NLGN1: variants seen among roughly 807,000 people sequenced by gnomAD.
NLGN1 encodes the protein neuroligin-1.
Under a neutral mutation model 65.5 loss-of-function variants are expected in NLGN1, and 12 were observed. The observed-to-expected ratio is 0.18, with a 90% CI of 0.12 to 0.30. The LOEUF (loss-of-function observed/expected upper bound fraction) is 0.30, where lower values mean the gene tolerates loss of function less well. Ranked by LOEUF, NLGN1 falls within the 10% of genes least tolerant of loss-of-function variation. NLGN1 has a pLI of 1.00. For synonymous variants in NLGN1, 350 were observed against 359.5 expected, an observed-to-expected ratio of 0.97 and a Z score of 0.30; for missense variants, 750 against 1,007.1, an observed-to-expected ratio of 0.74 and a Z score of 3.46.
chr3:173,735,921 C>G (rs113744116), intron 3 of NLGN1, among the ~76,000 whole-genome samples: 52 of 152,100 alleles, frequency 3.4e-4, no homozygotes, highest in African/African-American at 1.2e-3. Flanking sequence ...GTCATTCAAA[C>G]ATGTTATAAA....
At chr3:173,797,973 T>A (rs1254618022) in intron 3 of NLGN1, among the ~76,000 whole-genome samples, 1 of 152,102 alleles carries the variant, frequency 6.6e-6, no homozygotes, top group Non-Finnish European at 1.5e-5. Context: ...GCTGAATGAT[T>A]CCTCATAGAA....
intron 4 of NLGN1, among the ~76,000 whole-genome samples, chr3:173,813,052 C>T (rs565690222): frequency 4.0e-5 from 6 of 151,070 alleles, no homozygotes; most frequent in South Asian, 2.1e-4. Flanking sequence ...GAAAACAGAA[C>T]GAGAGAAAAG....
chr3:173,827,227 A>G (rs572502346), intron 4 of NLGN1, among the ~76,000 whole-genome samples: 1 of 152,258 alleles, frequency 6.6e-6, no homozygotes, highest in Admixed American at 6.5e-5. Context: ...TATCAGGAAC[A>G]GAGAGGTAAG....
intron 4 of NLGN1, among the ~76,000 whole-genome samples, chr3:173,862,505 C>CAAAAAAAAA (rs10601211): frequency 2.4e-5 from 1 of 41,708 alleles, no homozygotes; most frequent in Admixed American, 4.2e-4. Flanking sequence ...GACTCCGTCT[C>CAAAAAAAAA]AAAAAAAAAA....
intron 4 of NLGN1, chr3:174,136,395 T>G (rs1470507216): frequency 6.6e-6 from 1 of 152,164 alleles, no homozygotes; most frequent in Non-Finnish European, 1.5e-5. Context: ...AAATTGGGAC[T>G]TAGGTCATTG....
intron 3 of NLGN1, among the ~76,000 whole-genome samples, chr3:173,712,285 T>C (rs995413064): frequency 1.3e-5 from 2 of 152,170 alleles, no homozygotes; most frequent in Non-Finnish European, 2.9e-5. Flanking sequence ...TTTGGGAAGG[T>C]AATATGCTTG....
At chr3:173,545,388 T>C (rs1739621474) in intron 2 of NLGN1, among the ~76,000 whole-genome samples, 1 of 152,126 alleles carries the variant, frequency 6.6e-6, no homozygotes, top group South Asian at 2.1e-4. Flanking sequence ...GTAAAGTTTT[T>C]ATTATCAAAG....
intron 2 of NLGN1, among the ~76,000 whole-genome samples, chr3:173,462,348 A>G (rs1723547361): frequency 6.6e-6 from 1 of 152,178 alleles, no homozygotes. Context: ...TACCTTTCTT[A>G]ACTTTTTAGC....
chr3:173,487,217 A>G (rs1728310042), intron 2 of NLGN1, among the ~76,000 whole-genome samples: 1 of 152,058 alleles, frequency 6.6e-6, no homozygotes, highest in African/African-American at 2.4e-5. Flanking sequence ...TGTTCTCACC[A>G]CGTCAAACAT....
rs980337486 is a variant in NLGN1 at position 173,843,177 on chromosome 3, C to G, written c.646+35345C>G. 1.2e-4 allele frequency among the ~76,000 whole-genome samples: 18 copies of G among 152,316 alleles called. No individual in the cohort carries two copies. In the South Asian group the frequency reaches 1.9e-3, roughly 16 times the overall value. On this transcript the variant is annotated intron_variant, in intron 4 of 6. Coordinates refer to ENST00000457714, the Ensembl canonical transcript of NLGN1. The stretch of plus-strand genomic sequence containing the variant: ...AGACACAGCTTGAGTGGTTGGCACA[C>G]AGAGCACCAAGTCCTTAGGCTGCAC...
intron 3 of NLGN1, among the ~76,000 whole-genome samples, chr3:173,768,981 G>T (rs746710149): frequency 6.6e-6 from 1 of 152,048 alleles, no homozygotes; most frequent in Admixed American, 6.6e-5. Context: ...TGTTGCCCAG[G>T]CTGGTGTTGA....
At chr3:173,822,120 G>T (rs537480513) in intron 4 of NLGN1, among the ~76,000 whole-genome samples, 2 of 152,218 alleles carry the variant, frequency 1.3e-5, no homozygotes, top group African/African-American at 4.8e-5. Flanking sequence ...TCTCCTGTGG[G>T]ACTTTATATG....
intron 1 of NLGN1, among the ~76,000 whole-genome samples, chr3:173,415,686 C>T (rs74964168): frequency 0.035 from 5,316 of 152,074 alleles, 140 homozygotes; most frequent in Non-Finnish European, 0.055. Context: ...CTATTAAACT[C>T]TATATGAATA....
At chr3:173,722,868 CA>C (rs1304319173) in intron 3 of NLGN1, among the ~76,000 whole-genome samples, 20 of 151,888 alleles carry the variant, frequency 1.3e-4, no homozygotes, top group Non-Finnish European at 8.8e-5. Flanking sequence ...TGATGCATTT[CA>C]ATGAAAGACA....
chr3:174,033,491 A>G (rs956466550), intron 4 of NLGN1, among the ~76,000 whole-genome samples: 11 of 152,192 alleles, frequency 7.2e-5, no homozygotes, highest in African/African-American at 2.7e-4. Context: ...CAGGTGTAAC[A>G]CAGATGCTGG....
At chr3:173,591,022 G>A (rs74439455) in intron 2 of NLGN1, among the ~76,000 whole-genome samples, 1,613 of 152,158 alleles carry the variant, frequency 0.011, 39 homozygotes, top group African/African-American at 0.037. Context: ...CAGGTAGAAC[G>A]TGAACAATAA....
chr3:173,539,180 G>T (rs1453623395), intron 2 of NLGN1, among the ~76,000 whole-genome samples: 1 of 151,828 alleles, frequency 6.6e-6, no homozygotes, highest in Non-Finnish European at 1.5e-5. Context: ...CCTGCTTATT[G>T]TGCAGACCAT....
chr3:174,055,553 A>T (rs1735870890), intron 4 of NLGN1, among the ~76,000 whole-genome samples: 1 of 151,982 alleles, frequency 6.6e-6, no homozygotes, highest in South Asian at 2.1e-4. Flanking sequence ...AACTTGTGGG[A>T]TGTGTGAAAT....
At chr3:173,611,142 ATTCT>A (rs2149470391) in intron 3 of NLGN1, among the ~76,000 whole-genome samples, 1 of 152,110 alleles carries the variant, frequency 6.6e-6, no homozygotes, top group East Asian at 1.9e-4. Context: ...CTGTTATCTG[ATTCT>A]TTCAATTGTT....
Sources: gnomAD v4.1 joint callset for allele counts (sites outside exome capture counted in the v4.1 genomes callset) on GRCh38, gnomAD v4.1.1 for gene constraint, MANE v1.5 for transcripts, NCBI Gene and HGNC (gene_info 2026-07-23, HGNC 2026-07-21) for gene names.